Variants in KLHL29 observed in about 807,000 individuals in gnomAD.
KLHL29 encodes kelch-like protein 29.
In KLHL29, 21 loss-of-function variants were observed where a neutral mutation model predicts 80.4. That is an observed-to-expected ratio of 0.26 (90% confidence interval 0.19 to 0.38). The LOEUF is 0.38. Among genes scored for constraint, KLHL29 ranks in the 10% least tolerant of loss-of-function variants. KLHL29 has a pLI of 1.00. For missense variants in KLHL29, 867 were observed against 1,223.9 expected (o/e 0.71, Z 4.35); for synonymous variants, 511 against 526.8 (o/e 0.97, Z 0.41).
At chr2:23,667,587 T>A (rs1373589894) in intron 5 of KLHL29, 1 of 152,608 alleles carries the variant, frequency 6.6e-6, no homozygotes, top group Non-Finnish European at 1.5e-5. Context: ...CAGCACGTGG[T>A]GATCACCCAG....
intron 7 of KLHL29, among the ~76,000 whole-genome samples, chr2:23,692,498 A>G (rs1671680673): frequency 6.6e-6 from 1 of 152,234 alleles, no homozygotes; most frequent in African/African-American, 2.4e-5. Context: ...TGGGGTGTGG[A>G]GTGCAGAGAG....
rs780826256 is a variant in KLHL29 at position 23,684,368 on chromosome 2, C to A, written c.941-31C>A. 1 of 1,380,132 alleles carries A rather than the reference C, an allele frequency of 7.2e-7. No individual in the cohort carries two copies. The highest frequency in any genetic ancestry group is 1.8e-5 in the South Asian group (1 of 54,606). 85.5% of individuals were successfully genotyped at this position (1,380,132 alleles called of 1,614,324 possible). On this transcript the variant is annotated intron_variant, in intron 5 of 13. Coordinates refer to ENST00000486442, the MANE Select transcript of KLHL29 (RefSeq NM_052920.2). This position sits in a 1 kb window ranked among gnomAD's most constrained non-coding sequence, Gnocchi z 4.4. ...AAAAAAAAAAAACTCTTAATGGGAA[C>A]CTGGCCCTGTCTGTCTTCTCTGTTC...
rs1457115335 is a variant in KLHL29 at position 23,682,724 on chromosome 2, C to T, written c.941-1675C>T. Reference sequence around the variant, plus strand: ...CGCGCCCTCCCACTGGTGCTCTGAGCCTGTTGGTCTCTGTCTGTAGCTCCC... The same window carrying T: ...CGCGCCCTCCCACTGGTGCTCTGAGTCTGTTGGTCTCTGTCTGTAGCTCCC... On this transcript the variant is annotated intron_variant, in intron 5 of 13. Transcript: ENST00000486442. The surrounding 1 kb of genome is among the most constrained non-coding windows in gnomAD (Gnocchi z 4.1). Among the ~76,000 whole-genome samples the T allele has an allele frequency of 3.3e-5, 5 of 152,090 alleles. No individual in the cohort carries two copies. The highest frequency in any genetic ancestry group is 7.4e-5 in the Non-Finnish European group (5 of 68,016).
intron 2 of KLHL29, among the ~76,000 whole-genome samples, chr2:23,548,126 C>T (rs1025679343): frequency 6.6e-6 from 1 of 152,170 alleles, no homozygotes; most frequent in African/African-American, 2.4e-5. Flanking sequence ...GCCGTGGCTT[C>T]AAGGAGCTGC....
At chr2:23,636,307 T>C (rs1048219463) in intron 3 of KLHL29, among the ~76,000 whole-genome samples, 23 of 150,992 alleles carry the variant, frequency 1.5e-4, no homozygotes, top group Non-Finnish European at 3.2e-4. Context: ...TTTAATAAAA[T>C]ACATAAAATT....
At chr2:23,642,164 C>T (rs1221364418) in intron 4 of KLHL29, among the ~76,000 whole-genome samples, 174 bp from the exon 5 acceptor site, 7 of 152,184 alleles carry the variant, frequency 4.6e-5, no homozygotes, top group Admixed American at 2.6e-4. Flanking sequence ...TCGTAGACCC[C>T]CTAGCACACT....
chr2:23,487,572 C>T (rs10193850), intron 2 of KLHL29, among the ~76,000 whole-genome samples: 18,547 of 152,074 alleles, frequency 0.12, 1,270 homozygotes, highest in East Asian at 0.26. Context: ...ATGCCATCAC[C>T]TGCCATCAAG....
At chr2:23,546,193 G>T (rs1319046449) in intron 2 of KLHL29, among the ~76,000 whole-genome samples, 2 of 152,240 alleles carry the variant, frequency 1.3e-5, no homozygotes, top group Non-Finnish European at 2.9e-5. Context: ...AGCCACACAT[G>T]TGACTGTGGG....
At chr2:23,528,922 C>T (rs962960930) in intron 2 of KLHL29, among the ~76,000 whole-genome samples, 1 of 152,310 alleles carries the variant, frequency 6.6e-6, no homozygotes, top group South Asian at 2.1e-4. Flanking sequence ...TGCAAGTTGG[C>T]TGGGGTAGGG....
chr2:23,461,033 A>G (rs1664194304), intron 1 of KLHL29, among the ~76,000 whole-genome samples: 1 of 152,270 alleles, frequency 6.6e-6, no homozygotes, highest in African/African-American at 2.4e-5. Context: ...AGGAAACCAG[A>G]TTGGTGTCTT....
At chr2:23,443,666 G>T (rs1056277332) in intron 1 of KLHL29, among the ~76,000 whole-genome samples, 8 of 152,198 alleles carry the variant, frequency 5.3e-5, no homozygotes, top group African/African-American at 4.8e-5. Context: ...CTAGATGCAG[G>T]TTATGCACTT....
chr2:23,411,820 A>G (rs534476510), intron 1 of KLHL29, among the ~76,000 whole-genome samples: 6 of 152,140 alleles, frequency 3.9e-5, no homozygotes, highest in Non-Finnish European at 8.8e-5. Flanking sequence ...TAAGTTTCTA[A>G]TCTGAGTCAC....
chr2:23,522,361 G>A (rs1380524109), intron 2 of KLHL29, among the ~76,000 whole-genome samples: 1 of 152,026 alleles, frequency 6.6e-6, no homozygotes, highest in Non-Finnish European at 1.5e-5. Context: ...TGTTGGCCAG[G>A]CTGGTCTCGA....
intron 2 of KLHL29, among the ~76,000 whole-genome samples, chr2:23,550,279 G>C (rs925679847): frequency 6.6e-6 from 1 of 152,166 alleles, no homozygotes; most frequent in African/African-American, 2.4e-5. Context: ...GGAAAGGGGG[G>C]CACGAAGGCC....
intron 3 of KLHL29, among the ~76,000 whole-genome samples, chr2:23,567,406 G>A (rs112086485): frequency 1.8e-4 from 28 of 152,170 alleles, no homozygotes; most frequent in African/African-American, 6.5e-4. Flanking sequence ...GAGCGACTTC[G>A]CCTGTGTCGG....
intron 2 of KLHL29, among the ~76,000 whole-genome samples, chr2:23,489,930 T>A (rs1290874743): frequency 6.6e-6 from 1 of 152,148 alleles, no homozygotes; most frequent in Non-Finnish European, 1.5e-5. Flanking sequence ...CCTTGTCCAC[T>A]CTAGGTTCCA....
Position 23,681,517 on chromosome 2 carries a change from T to C in KLHL29, c.941-2882T>C, listed in dbSNP as rs1365916604. ...GCCTCGGGCCCAGAAAGAGTAGGCATTTGTGTGCTGTTGTGTTTTCCAGGC... is the reference window on the plus strand; with the variant it reads ...GCCTCGGGCCCAGAAAGAGTAGGCACTTGTGTGCTGTTGTGTTTTCCAGGC... On this transcript the variant is annotated intron_variant, in intron 5 of 13. Transcript: ENST00000486442. The surrounding 1 kb of genome is among the most constrained non-coding windows in gnomAD (Gnocchi z 4.2). Among the ~76,000 whole-genome samples, 8 of 152,108 alleles carry C rather than the reference T, an allele frequency of 5.3e-5. No individual in the cohort carries two copies. The highest frequency in any genetic ancestry group is 2.9e-5 in the Non-Finnish European group (2 of 68,024).
chr2:23,411,361 G>A (rs1023103235), intron 1 of KLHL29, among the ~76,000 whole-genome samples: 6 of 149,262 alleles, frequency 4.0e-5, no homozygotes, highest in African/African-American at 1.5e-4. Flanking sequence ...AGTATATTGG[G>A]TATGTATGTT....
chr2:23,580,876 G>C lies in KLHL29; in HGVS notation c.285+18395G>C, dbSNP rs1338103754. On this transcript the variant is annotated intron_variant, in intron 3 of 13. Coordinates refer to ENST00000486442, the MANE Select transcript of KLHL29 (RefSeq NM_052920.2). ...GCCTGTAGTCCTAGCTACTCAGGAG[G>C]CTGAGGCAACAGGATTGCTTGAACC... 3.4e-5 allele frequency among the ~76,000 whole-genome samples: 5 copies of C among 147,540 alleles called. No homozygotes were observed. In the East Asian group the frequency reaches 1.0e-3, roughly 30 times the overall value.
Sources: gnomAD v4.1 joint callset for allele counts (sites outside exome capture counted in the v4.1 genomes callset) on GRCh38, gnomAD v4.1.1 for gene constraint, Gnocchi (gnomAD v3.1) non-coding constraint, MANE v1.5 for transcripts, NCBI Gene and HGNC (gene_info 2026-07-23, HGNC 2026-07-21) for gene names.